Variants in FOXP2 observed in about 807,000 individuals in gnomAD.
FOXP2 encodes forkhead box P2, also known as forkhead box protein P2.
FOXP2 carries 12 observed loss-of-function variants against 115.8 expected under a neutral mutation model. That is an observed-to-expected ratio of 0.10 (90% CI 0.07 to 0.17). The LOEUF is 0.17. Among genes scored for constraint, FOXP2 ranks in the 10% least tolerant of loss-of-function variants. The pLI is 1.00. For synonymous variants in FOXP2, 328 were observed against 297.7 expected (o/e 1.10, Z -1.05); for missense variants, 629 against 843.5 (o/e 0.75, Z 3.15).
At chr7:114,505,568 CAAA>C (rs966630102) in intron 2 of FOXP2, among the ~76,000 whole-genome samples, 1 of 139,044 alleles carries the variant, frequency 7.2e-6, no homozygotes, top group Non-Finnish European at 1.6e-5. Flanking sequence ...AATCACTCTC[CAAA>C]AAAAAAAAAT....
intron 1 of FOXP2, among the ~76,000 whole-genome samples, chr7:114,125,446 A>G (rs149834714): frequency 7.5e-4 from 114 of 152,134 alleles, no homozygotes; most frequent in Non-Finnish European, 1.4e-3. Flanking sequence ...TCTCTTTTGG[A>G]CTTGTATTAA....
chr7:114,687,490 G>A (rs77494194), intron 16 of FOXP2, among the ~76,000 whole-genome samples: 40 of 152,188 alleles, frequency 2.6e-4, no homozygotes, highest in East Asian at 1.4e-3. Flanking sequence ...TTAATATAGC[G>A]TAAAGTGACT....
chr7:114,447,377 G>C (rs891186629), intron 2 of FOXP2, among the ~76,000 whole-genome samples: 2 of 151,718 alleles, frequency 1.3e-5, no homozygotes, highest in African/African-American at 4.8e-5. Flanking sequence ...CGCACCCTTC[G>C]ATACTTATAA....
chr7:114,506,416 A>G (rs530584651), intron 2 of FOXP2, among the ~76,000 whole-genome samples: 3 of 151,798 alleles, frequency 2.0e-5, no homozygotes, highest in African/African-American at 7.2e-5. Flanking sequence ...TATCAATTAT[A>G]TAAGTATACT....
intron 3 of FOXP2, among the ~76,000 whole-genome samples, chr7:114,544,043 G>A (rs7458242): frequency 0.65 from 99,426 of 151,842 alleles, 33,443 homozygotes; most frequent in African/African-American, 0.81. Context: ...CTTAATAGAG[G>A]CAAAGTCTCA....
rs374303675 is a variant in FOXP2 at position 114,104,104 on chromosome 7, T to C, written c.-247+16266T>C. Among the ~76,000 whole-genome samples, 55 of 152,116 alleles carry C rather than the reference T, an allele frequency of 3.6e-4. 1 individual carries two copies. The highest frequency in any genetic ancestry group is 1.3e-3 in the African/African-American group (52 of 41,540). The stretch of plus-strand genomic sequence containing the variant: ...TGGTTGCCATTGTGCTGAATGAAAG[T>C]CCTTTTTATGATGGTGTACTTGTTG... On this transcript the variant is annotated intron_variant, in intron 1 of 19. Coordinates refer to the FOXP2 transcript ENST00000635638.
chr7:114,663,223 A>C (rs1350622667), intron 14 of FOXP2, among the ~76,000 whole-genome samples: 1 of 152,142 alleles, frequency 6.6e-6, no homozygotes, highest in Non-Finnish European at 1.5e-5. Context: ...CTTTGCCTGC[A>C]CACCATAGTC....
At chr7:114,444,650 GT>G (rs55784058) in intron 2 of FOXP2, among the ~76,000 whole-genome samples, 18,921 of 152,114 alleles carry the variant, frequency 0.12, 1,410 homozygotes, top group South Asian at 0.19. Context: ...CTAACAGCAT[GT>G]ATAAGTCCTA....
chr7:114,132,682 G>A (rs1400695284), intron 1 of FOXP2, among the ~76,000 whole-genome samples: 1 of 150,560 alleles, frequency 6.6e-6, no homozygotes, highest in Non-Finnish European at 1.5e-5. Context: ...TGATACTTGT[G>A]CAAAGATCTA....
At chr7:114,288,517 G>A (rs987419919) in intron 2 of FOXP2, among the ~76,000 whole-genome samples, 1 of 151,452 alleles carries the variant, frequency 6.6e-6, no homozygotes, top group Non-Finnish European at 1.5e-5. Flanking sequence ...AGTTTTGGGG[G>A]GATCTGAAAT....
chr7:114,367,670 A>G (rs772486091), intron 2 of FOXP2, among the ~76,000 whole-genome samples: 7 of 152,100 alleles, frequency 4.6e-5, no homozygotes, highest in Non-Finnish European at 8.8e-5. Flanking sequence ...CTAAGTCTAA[A>G]AGTTTCAATC....
chr7:114,682,561 A>G (rs1808142497), intron 16 of FOXP2, among the ~76,000 whole-genome samples: 1 of 152,172 alleles, frequency 6.6e-6, no homozygotes, highest in Non-Finnish European at 1.5e-5. Context: ...GTAGTGTAAC[A>G]CATGGCACCT....
intron 2 of FOXP2, among the ~76,000 whole-genome samples, chr7:114,370,284 A>G (rs1791972756): frequency 6.6e-6 from 1 of 152,206 alleles, no homozygotes; most frequent in African/African-American, 2.4e-5. Flanking sequence ...GTGTCCTTAG[A>G]CAAATAGACA....
intron 1 of FOXP2, among the ~76,000 whole-genome samples, chr7:114,108,296 G>C (rs1182631499): frequency 6.6e-6 from 1 of 151,778 alleles, no homozygotes; most frequent in Non-Finnish European, 1.5e-5. Context: ...TTTATTTCAA[G>C]ACCAAGCTTG....
chr7:114,272,597 A>G (rs1031248790), intron 1 of FOXP2, among the ~76,000 whole-genome samples: 3 of 151,750 alleles, frequency 2.0e-5, no homozygotes, highest in Non-Finnish European at 3.0e-5. Flanking sequence ...TTCTTCTTAT[A>G]TGAGTTTTGG....
intron 1 of FOXP2, among the ~76,000 whole-genome samples, chr7:114,123,009 T>C (rs1791609326): frequency 6.6e-6 from 1 of 152,000 alleles, no homozygotes. Flanking sequence ...AAGTATAGCT[T>C]GCAATCAAAT....
chr7:114,593,911 C>G (rs1207347053), intron 3 of FOXP2, among the ~76,000 whole-genome samples: 1 of 151,924 alleles, frequency 6.6e-6, no homozygotes, highest in Non-Finnish European at 1.5e-5. Context: ...TAAATATTGG[C>G]AAGTCAAGTC....
chr7:114,269,756 G>A (rs913841730), intron 1 of FOXP2, among the ~76,000 whole-genome samples: 7 of 151,990 alleles, frequency 4.6e-5, no homozygotes, highest in African/African-American at 1.7e-4. Context: ...TTATCAATGG[G>A]ACATGCACTT....
At chr7:114,299,788 T>C (rs1021002016) in intron 2 of FOXP2, among the ~76,000 whole-genome samples, 8 of 152,056 alleles carry the variant, frequency 5.3e-5, no homozygotes, top group Admixed American at 3.9e-4. Context: ...GGGAAGAGGA[T>C]TGAGGAGCTT....
Sources: allele counts gnomAD v4.1 joint callset (sites outside exome capture counted in the v4.1 genomes callset), GRCh38; gene constraint gnomAD v4.1.1; transcripts MANE v1.5; gene names NCBI Gene and HGNC (gene_info 2026-07-23, HGNC 2026-07-21).